The following CCBE1 variants were observed in gnomAD, a reference collection of about 807,000 sequenced individuals.
CCBE1 encodes the protein collagen and calcium binding EGF domains 1, also known as collagen and calcium-binding EGF domain-containing protein 1.
In CCBE1, 37 loss-of-function variants were observed where a neutral mutation model predicts 50.0. That is an observed-to-expected ratio of 0.74 (90% CI 0.57 to 0.97). The LOEUF (loss-of-function observed/expected upper bound fraction) is 0.97, where lower values mean the gene tolerates loss of function less well. Among genes scored for constraint, CCBE1 ranks in the 50% least tolerant of loss-of-function variants. The pLI, the probability that CCBE1 is intolerant of heterozygous loss-of-function variation, is 0.00. For synonymous variants in CCBE1, 234 were observed against 203.7 expected (o/e 1.15, Z -1.27); for missense variants, 538 against 523.8 (o/e 1.03, Z -0.26).
chr18:59,665,850 G>A (rs1268561111), intron 2 of CCBE1, among the ~76,000 whole-genome samples: 9 of 152,154 alleles, frequency 5.9e-5, no homozygotes, highest in Admixed American at 5.9e-4. Flanking sequence ...GAGAAACTTG[G>A]CTTTAACCAA....
chr18:59,547,234 C>T (rs1262881633), intron 2 of CCBE1, among the ~76,000 whole-genome samples: 11 of 152,078 alleles, frequency 7.2e-5, no homozygotes, highest in African/African-American at 2.7e-4. Context: ...GCGGGCAGAT[C>T]ACCTGAGGTC....
intron 2 of CCBE1, among the ~76,000 whole-genome samples, chr18:59,489,724 T>C (rs1297472121): frequency 6.6e-6 from 1 of 152,070 alleles, no homozygotes; most frequent in African/African-American, 2.4e-5. Context: ...TGATTAACTT[T>C]CTCTTGGCAA....
At chr18:59,443,227 A>T (rs8087172) in intron 7 of CCBE1, among the ~76,000 whole-genome samples, 89,450 of 151,942 alleles carry the variant, frequency 0.59, 26,967 homozygotes, top group African/African-American at 0.72. Context: ...GGGTTGGGTT[A>T]GCGGCGCTTC....
At chr18:59,656,139 G>A (rs932437772) in intron 2 of CCBE1, among the ~76,000 whole-genome samples, 1 of 152,174 alleles carries the variant, frequency 6.6e-6, no homozygotes, top group Non-Finnish European at 1.5e-5. Context: ...TACTCCCAAA[G>A]AAGTGAACAT....
intron 2 of CCBE1, among the ~76,000 whole-genome samples, chr18:59,535,605 T>C (rs913836366): frequency 3.3e-5 from 5 of 152,172 alleles, no homozygotes; most frequent in African/African-American, 1.2e-4. Context: ...ACTGTAGCAA[T>C]GCTCTTAATA....
At chr18:59,528,868 C>A (rs983477296) in intron 2 of CCBE1, among the ~76,000 whole-genome samples, 5 of 152,184 alleles carry the variant, frequency 3.3e-5, no homozygotes, top group Non-Finnish European at 7.3e-5. Flanking sequence ...GGGCACTGAC[C>A]TGATGCCAGT....
At chr18:59,556,033 G>A (rs1232984202) in intron 2 of CCBE1, among the ~76,000 whole-genome samples, 5 of 152,122 alleles carry the variant, frequency 3.3e-5, no homozygotes, top group Admixed American at 2.6e-4. Flanking sequence ...TTCAGGATTC[G>A]TGCAGAAGAG....
intron 5 of CCBE1, among the ~76,000 whole-genome samples, chr18:59,460,425 C>G (rs1047525061): frequency 6.6e-6 from 1 of 152,158 alleles, no homozygotes; most frequent in Admixed American, 6.5e-5. Flanking sequence ...ATGACCATAA[C>G]GAAATATTGA....
intron 2 of CCBE1, among the ~76,000 whole-genome samples, chr18:59,680,429 G>C (rs542811697): frequency 6.6e-6 from 1 of 151,840 alleles, no homozygotes; most frequent in South Asian, 2.1e-4. Flanking sequence ...GGCCAGGCGC[G>C]GTGGTTTGCA....
At chr18:59,467,389 G>A (rs1911801452) in intron 4 of CCBE1, among the ~76,000 whole-genome samples, 2 of 152,112 alleles carry the variant, frequency 1.3e-5, no homozygotes, top group South Asian at 4.1e-4. Context: ...ACTTAGGAAT[G>A]GCTCCTTCCC....
chr18:59,448,871 T>C (rs1221920506), intron 6 of CCBE1, among the ~76,000 whole-genome samples: 1 of 152,202 alleles, frequency 6.6e-6, no homozygotes, highest in African/African-American at 2.4e-5. Context: ...GAGTCACCAC[T>C]GTGTGCCTGG....
chr18:59,436,098 T>C lies in CCBE1; in HGVS notation c.1031A>G (p.Asp344Gly). The C allele has an allele frequency of 1.2e-6, 2 of 1,614,230 alleles. No homozygotes were observed. Among genetic ancestry groups the C allele is most frequent in the Non-Finnish European group, 1.7e-6 (2 of 1,180,046 alleles). The change falls in exon 11 of 11, where the codon GAC becomes GGC. Residue 344 changes from aspartate to glycine, a missense_variant. Physicochemically the swap from Asp to Gly is moderately conservative, Grantham distance 94 (BLOSUM62 -1). Transcript: ENST00000439986. ...CAGCTCAGTGATGTCATTGCGGATG[T>C]CAGCCAGCATAAGTAGCAGGAAGTC... ...SFDFLLLMLA[D>G]IRNDITELQE...
chr18:59,490,651 T>C (rs1913056608), intron 2 of CCBE1, among the ~76,000 whole-genome samples: 1 of 152,202 alleles, frequency 6.6e-6, no homozygotes, highest in African/African-American at 2.4e-5. Context: ...AACAGCAACA[T>C]TTTAAACAAA....
intron 2 of CCBE1, among the ~76,000 whole-genome samples, chr18:59,606,480 A>G (rs927568975): frequency 6.6e-6 from 1 of 152,198 alleles, no homozygotes; most frequent in Non-Finnish European, 1.5e-5. Context: ...ATCCCATTAC[A>G]AACTGTCTTC....
intron 2 of CCBE1, among the ~76,000 whole-genome samples, chr18:59,661,595 G>A (rs993253003): frequency 6.6e-6 from 1 of 152,170 alleles, no homozygotes; most frequent in South Asian, 2.1e-4. Context: ...GTTCCCATAA[G>A]CCTCTGGCCA....
chr18:59,508,711 C>CTGTTTTT (rs1913996386), intron 2 of CCBE1, among the ~76,000 whole-genome samples: 1 of 95,684 alleles, frequency 1.0e-5, no homozygotes, highest in African/African-American at 4.5e-5. Context: ...TAGAGTTACG[C>CTGTTTTT]TTTTTTTTTT....
chr18:59,603,491 C>T (rs1466005191), intron 2 of CCBE1, among the ~76,000 whole-genome samples: 1 of 152,154 alleles, frequency 6.6e-6, no homozygotes, highest in Non-Finnish European at 1.5e-5. Context: ...AGTCTCTGGC[C>T]TCCTCCAGGG....
At chr18:59,590,072 G>C (rs1300351003) in intron 2 of CCBE1, among the ~76,000 whole-genome samples, 1 of 152,134 alleles carries the variant, frequency 6.6e-6, no homozygotes, top group Non-Finnish European at 1.5e-5. Context: ...CTTTCTTAAT[G>C]TGAAACGCGA....
At chr18:59,455,514 C>T (rs1033564718) in intron 5 of CCBE1, among the ~76,000 whole-genome samples, 10 of 152,216 alleles carry the variant, frequency 6.6e-5, no homozygotes, top group South Asian at 2.1e-4. Flanking sequence ...GCACTGGAAA[C>T]GCAGTCGGGC....
Sources: gnomAD v4.1 joint callset for allele counts (sites outside exome capture counted in the v4.1 genomes callset) on GRCh38, gnomAD v4.1.1 for gene constraint, MANE v1.5 for transcripts, NCBI Gene and HGNC (gene_info 2026-07-23, HGNC 2026-07-21) for gene names.